OPCML: variants seen among roughly 807,000 people sequenced by gnomAD.
OPCML encodes the protein opioid-binding protein/cell adhesion molecule.
In OPCML, 13 loss-of-function variants were observed where a neutral mutation model predicts 37.8. That is an observed-to-expected ratio of 0.34 (90% CI 0.22 to 0.55). OPCML has a LOEUF of 0.55. OPCML is among the 20% of genes least tolerant of loss of function. OPCML has a pLI of 0.91. For missense variants in OPCML, 341 were observed against 435.6 expected (o/e 0.78, Z 1.93); for synonymous variants, 176 against 168.8 (o/e 1.04, Z -0.33).
intron 1 of OPCML, chr11:133,008,821 T>C (rs1947160900): frequency 1.1e-6 from 1 of 876,396 alleles, no homozygotes; most frequent in South Asian, 5.2e-5. Flanking sequence ...TACTCCCTAA[T>C]GCACTTTCTG....
chr11:132,990,604 G>A (rs1310621333), intron 1 of OPCML, among the ~76,000 whole-genome samples: 4 of 152,168 alleles, frequency 2.6e-5, no homozygotes, highest in African/African-American at 9.7e-5. Context: ...GGCCCTCTAT[G>A]TCCTTTCCAA....
chr11:132,528,246 T>C (rs1004928619), intron 4 of OPCML, among the ~76,000 whole-genome samples: 10 of 151,012 alleles, frequency 6.6e-5, no homozygotes, highest in African/African-American at 2.5e-4. Flanking sequence ...AGATCAATAT[T>C]ATTTTTGAAT....
intron 2 of OPCML, among the ~76,000 whole-genome samples, chr11:132,833,671 GCAT>G (rs1940844479): frequency 6.6e-6 from 1 of 152,232 alleles, no homozygotes; most frequent in Admixed American, 6.5e-5. Context: ...GTTTACACCA[GCAT>G]CACTACAAAA....
chr11:133,141,684 G>A (rs370413799), intron 1 of OPCML, among the ~76,000 whole-genome samples: 3 of 152,286 alleles, frequency 2.0e-5, no homozygotes, highest in East Asian at 1.9e-4. Flanking sequence ...GACAGCATAA[G>A]TTATTGCACT....
At chr11:133,160,289 G>A (rs951840839) in intron 1 of OPCML, among the ~76,000 whole-genome samples, 1 of 152,160 alleles carries the variant, frequency 6.6e-6, no homozygotes, top group African/African-American at 2.4e-5. Flanking sequence ...GGGAGGATCA[G>A]AAGAAATAGA....
intron 1 of OPCML, among the ~76,000 whole-genome samples, chr11:133,354,313 T>G (rs951996014): frequency 7.4e-4 from 2 of 2,692 alleles, no homozygotes; most frequent in African/African-American, 2.5e-3. Flanking sequence ...GACGTGTTGG[T>G]AGTGGTGGTG....
intron 2 of OPCML, among the ~76,000 whole-genome samples, chr11:132,690,708 A>G (rs576179308): frequency 1.3e-5 from 2 of 152,338 alleles, no homozygotes; most frequent in African/African-American, 4.8e-5. Context: ...GCACAGGCAT[A>G]GCAGTAGATT....
At chr11:132,614,011 T>C (rs1053130351) in intron 3 of OPCML, among the ~76,000 whole-genome samples, 8 of 152,116 alleles carry the variant, frequency 5.3e-5, no homozygotes, top group Admixed American at 2.6e-4. Flanking sequence ...AGTCAATCTA[T>C]GTTAACTAAA....
chr11:133,304,355 G>T (rs1256223234), intron 1 of OPCML, among the ~76,000 whole-genome samples: 1 of 152,154 alleles, frequency 6.6e-6, no homozygotes, highest in African/African-American at 2.4e-5. Flanking sequence ...AAATACAAAA[G>T]ACCTGACAGG....
At chr11:132,736,504 C>A (rs1945265395) in intron 2 of OPCML, among the ~76,000 whole-genome samples, 1 of 152,116 alleles carries the variant, frequency 6.6e-6, no homozygotes. Context: ...CAGTTATGCC[C>A]CACTACAGAA....
At chr11:132,660,135 G>C (rs1254710941) in intron 2 of OPCML, among the ~76,000 whole-genome samples, 1 of 152,150 alleles carries the variant, frequency 6.6e-6, no homozygotes, top group East Asian at 1.9e-4. Context: ...CTTTTAATAA[G>C]AGGGATAGGC....
chr11:133,346,849 G>A (rs1944013588), intron 1 of OPCML, among the ~76,000 whole-genome samples: 1 of 152,040 alleles, frequency 6.6e-6, no homozygotes. Context: ...TGTGTGTTTT[G>A]TTTTGTTTTG....
intron 1 of OPCML, among the ~76,000 whole-genome samples, chr11:133,435,793 GC>G (rs1324174923): frequency 1.3e-5 from 2 of 152,168 alleles, no homozygotes; most frequent in Non-Finnish European, 1.5e-5. Context: ...TCCAATTCAT[GC>G]CCCGTGAAGA....
intron 6 of OPCML, 78 bp from the exon 7 acceptor site, chr11:132,436,315 A>G (rs1323984510): frequency 2.5e-6 from 4 of 1,607,530 alleles, no homozygotes; most frequent in African/African-American, 1.3e-5. Context: ...TCTCCAACTA[A>G]TCTCGTCCTT....
At chr11:132,487,045 T>G (rs1479626959) in intron 4 of OPCML, among the ~76,000 whole-genome samples, 2 of 152,222 alleles carry the variant, frequency 1.3e-5, no homozygotes, top group Non-Finnish European at 2.9e-5. Context: ...TGCTGTATTT[T>G]CAACTTTGCC....
intron 1 of OPCML, among the ~76,000 whole-genome samples, chr11:133,101,498 T>C (rs1035556473): frequency 6.6e-6 from 1 of 152,046 alleles, no homozygotes; most frequent in East Asian, 1.9e-4. Context: ...CATTAGGAAA[T>C]TGCAAATTAA....
At position 132,642,239 on chromosome 11, in the gene OPCML, T is replaced by C. The variant is rs73051146; in HGVS notation, c.379+14848A>G. Among the ~76,000 whole-genome samples, 1,131 of 152,356 alleles carry C rather than the reference T, an allele frequency of 7.4e-3. 9 individuals carry two copies. Among genetic ancestry groups the C allele is most frequent in the Non-Finnish European group, 0.013 (911 of 68,028 alleles). On this transcript the variant is annotated intron_variant, in intron 3 of 7. Transcript: ENST00000524381. ...GATGATGTCTTGCTGATATTATTTC[T>C]CTTTTGTTTCAAAGTTATCTGCTTC... is the stretch of plus-strand genomic sequence containing the variant.
intron 1 of OPCML, among the ~76,000 whole-genome samples, chr11:133,324,234 T>C (rs1008963298): frequency 2.6e-5 from 4 of 152,204 alleles, no homozygotes; most frequent in Non-Finnish European, 5.9e-5. Flanking sequence ...TTTTAGAATA[T>C]TTTCTCTTTT....
At chr11:132,875,709 C>T (rs934321103) in intron 2 of OPCML, among the ~76,000 whole-genome samples, 8 of 152,076 alleles carry the variant, frequency 5.3e-5, no homozygotes, top group African/African-American at 1.4e-4. Flanking sequence ...GGGGCCCACC[C>T]GCCTCGGCCT....
Sources: allele counts gnomAD v4.1 joint callset (sites outside exome capture counted in the v4.1 genomes callset), GRCh38; gene constraint gnomAD v4.1.1; transcripts MANE v1.5; gene names NCBI Gene and HGNC (gene_info 2026-07-23, HGNC 2026-07-21).